The following ADGRL3 variants were observed in gnomAD, a reference collection of about 807,000 sequenced individuals.
ADGRL3 encodes the protein calcium-independent alpha-latrotoxin receptor 3.
ADGRL3 carries 62 observed loss-of-function variants against 153.5 expected under a neutral mutation model. The observed-to-expected ratio is 0.40, with a 90% confidence interval of 0.33 to 0.50. ADGRL3 has a LOEUF of 0.50. ADGRL3 is among the 20% of genes least tolerant of loss of function. The probability of loss-of-function intolerance (pLI) is 0.47; values close to 1 mark genes in which losing one functional copy is unlikely to be tolerated. For missense variants in ADGRL3, 1,641 were observed against 1,859.4 expected (o/e 0.88, Z 2.16); for synonymous variants, 710 against 672.5 (o/e 1.06, Z -0.86).
intron 4 of ADGRL3, among the ~76,000 whole-genome samples, chr4:61,546,181 G>A (rs1560818107): frequency 6.6e-6 from 1 of 152,034 alleles, no homozygotes; most frequent in Non-Finnish European, 1.5e-5. Flanking sequence ...ATCTCTCTCC[G>A]GATTTCAACT....
At chr4:61,983,089 A>T (rs1032517060) in intron 18 of ADGRL3, among the ~76,000 whole-genome samples, 2 of 152,180 alleles carry the variant, frequency 1.3e-5, no homozygotes, top group African/African-American at 4.8e-5. Context: ...TTACGCTAAT[A>T]TCAGAAATAA....
chr4:61,577,832 A>G (rs1029760440), intron 4 of ADGRL3, among the ~76,000 whole-genome samples: 10 of 151,586 alleles, frequency 6.6e-5, no homozygotes, highest in African/African-American at 2.2e-4. Context: ...AAGAAAAAAA[A>G]AGGGTAATGA....
At chr4:61,812,297 C>G (rs1007755330) in intron 8 of ADGRL3, among the ~76,000 whole-genome samples, 2 of 152,160 alleles carry the variant, frequency 1.3e-5, no homozygotes, top group Admixed American at 1.3e-4. Flanking sequence ...ATTACAGTCT[C>G]TCCACTGTCT....
At chr4:61,264,625 G>A (rs749024364) in intron 1 of ADGRL3, among the ~76,000 whole-genome samples, 1 of 151,898 alleles carries the variant, frequency 6.6e-6, no homozygotes, top group Non-Finnish European at 1.5e-5. Flanking sequence ...ATGTCAAATT[G>A]TTAATTTATA....
intron 5 of ADGRL3, among the ~76,000 whole-genome samples, chr4:61,641,943 C>G (rs2093695814): frequency 6.7e-6 from 1 of 149,288 alleles, no homozygotes; most frequent in South Asian, 2.2e-4. Flanking sequence ...TCCTCTCCAG[C>G]ACCTGTTGTT....
intron 4 of ADGRL3, among the ~76,000 whole-genome samples, chr4:61,554,786 C>T (rs1045097761): frequency 6.6e-6 from 1 of 152,144 alleles, no homozygotes; most frequent in Non-Finnish European, 1.5e-5. Context: ...GTGAATTAAA[C>T]TGAGGGAAAA....
At chr4:61,549,926 T>C (rs1446819214) in intron 4 of ADGRL3, among the ~76,000 whole-genome samples, 1 of 152,040 alleles carries the variant, frequency 6.6e-6, no homozygotes, top group Non-Finnish European at 1.5e-5. Flanking sequence ...TATATTTAAA[T>C]AAAATTTATG....
intron 2 of ADGRL3, among the ~76,000 whole-genome samples, chr4:61,496,802 C>T (rs1173536383): frequency 6.7e-6 from 1 of 148,320 alleles, no homozygotes; most frequent in Non-Finnish European, 1.5e-5. Context: ...TTAGCCTGGC[C>T]TGGTGGTGGG....
chr4:61,512,900 T>TA (rs2098471144), intron 3 of ADGRL3, among the ~76,000 whole-genome samples: 1 of 152,072 alleles, frequency 6.6e-6, no homozygotes, highest in Non-Finnish European at 1.5e-5. Context: ...ATATGTAGGT[T>TA]AGAGTCATAG....
intron 1 of ADGRL3, among the ~76,000 whole-genome samples, chr4:61,364,773 A>G (rs911776903): frequency 1.3e-5 from 2 of 152,192 alleles, no homozygotes; most frequent in African/African-American, 4.8e-5. Flanking sequence ...AGAGACAATA[A>G]TCATCACCAA....
chr4:61,658,296 T>C (rs1325114595), intron 5 of ADGRL3, among the ~76,000 whole-genome samples: 1 of 152,184 alleles, frequency 6.6e-6, no homozygotes, highest in Non-Finnish European at 1.5e-5. Context: ...ATTCATTTTC[T>C]ACAAAAATGA....
chr4:61,345,377 AT>A (rs1218407487), intron 1 of ADGRL3, among the ~76,000 whole-genome samples: 1 of 152,100 alleles, frequency 6.6e-6, no homozygotes, highest in African/African-American at 2.4e-5. Context: ...ATTATATTTA[AT>A]TTTGATAACT....
intron 1 of ADGRL3, among the ~76,000 whole-genome samples, chr4:61,312,053 G>GA (rs1490540402): frequency 6.6e-6 from 1 of 151,986 alleles, no homozygotes; most frequent in African/African-American, 2.4e-5. Flanking sequence ...AAACTGCTCT[G>GA]AAAAAAATAA....
At chr4:61,313,178 G>A (rs938015990) in intron 1 of ADGRL3, among the ~76,000 whole-genome samples, 1 of 152,146 alleles carries the variant, frequency 6.6e-6, no homozygotes, top group Non-Finnish European at 1.5e-5. Flanking sequence ...TTTACAATAT[G>A]ACATTTTGGG....
chr4:61,681,189 G>C (rs1398883273), intron 6 of ADGRL3, among the ~76,000 whole-genome samples: 1 of 152,062 alleles, frequency 6.6e-6, no homozygotes, highest in Non-Finnish European at 1.5e-5. Flanking sequence ...TCATTCAGCA[G>C]GGTTACAGGG....
rs2098528260 is a variant in ADGRL3 at position 61,521,085 on chromosome 4, C to A, written c.259+3567C>A. ...TGGCCCAGGGCCCACACAGTAGCAA[C>A]TGTGTAACAGAGGCAATACTAGGAA... On this transcript the variant is annotated intron_variant, in intron 4 of 26. Coordinates refer to ENST00000683033, the MANE Select transcript of ADGRL3 (RefSeq NM_001387552.1). Among the ~76,000 whole-genome samples the A allele has an allele frequency of 2.0e-5, 3 of 152,118 alleles. No homozygotes were observed. The South Asian group carries it at 6.2e-4, about 31-fold the overall frequency.
At chr4:61,960,484 G>C (rs763773101) in intron 17 of ADGRL3, among the ~76,000 whole-genome samples, 1 of 152,160 alleles carries the variant, frequency 6.6e-6, no homozygotes, top group East Asian at 1.9e-4. Flanking sequence ...ACATAGGAAG[G>C]ACTCTGGGTT....
chr4:62,026,958 T>C (rs1167139769), intron 21 of ADGRL3, among the ~76,000 whole-genome samples: 1 of 152,070 alleles, frequency 6.6e-6, no homozygotes, highest in Non-Finnish European at 1.5e-5. Flanking sequence ...TTAAAATCTA[T>C]ACAAAGCTTA....
chr4:61,672,319 C>T (rs1490529181), intron 5 of ADGRL3, among the ~76,000 whole-genome samples: 4 of 152,060 alleles, frequency 2.6e-5, no homozygotes, highest in Non-Finnish European at 5.9e-5. Flanking sequence ...GTCCTTTCCT[C>T]ATTGTGTATT....
Sources: gnomAD v4.1 joint callset for allele counts (sites outside exome capture counted in the v4.1 genomes callset) on GRCh38, gnomAD v4.1.1 for gene constraint, MANE v1.5 for transcripts, NCBI Gene and HGNC (gene_info 2026-07-23, HGNC 2026-07-21) for gene names.